Variants in TMEM63B observed in about 807,000 individuals in gnomAD.
TMEM63B encodes the protein mechanosensitive cation channel TMEM63B.
A neutral mutation model predicts 102.6 loss-of-function variants in TMEM63B; 23 were observed. That is an observed-to-expected ratio of 0.22 (90% CI 0.16 to 0.32). The LOEUF (loss-of-function observed/expected upper bound fraction) is 0.32. TMEM63B is among the 10% of genes least tolerant of loss of function. The pLI is 1.00. For missense variants in TMEM63B, 628 were observed against 1,095.9 expected (o/e 0.57, Z 6.03); for synonymous variants, 444 against 437.0 (o/e 1.02, Z -0.20).
rs141780150 is a variant in TMEM63B, at chr6:44,135,456, G to A, written c.278+90G>A. 3.2e-4 allele frequency: 483 copies of A among 1,489,802 alleles called. 4 individuals carry two copies. The East Asian group carries it at 0.01, about 31-fold the overall frequency. The allele number at this position is 1,489,802 out of a possible 1,614,324, so 92.3% of individuals were successfully genotyped here. A position where few individuals can be genotyped will look rare whatever the true frequency, so the allele number is the denominator to read the frequency against. ...CTCTTCTCTTCCTGCCAAGTTGCTGGTTTCTTTTTGCAGTTTTCTCCTCTG... is the reference window on the plus strand; with the variant it reads ...CTCTTCTCTTCCTGCCAAGTTGCTGATTTCTTTTTGCAGTTTTCTCCTCTG... On this transcript the variant is annotated intron_variant, in intron 4 of 23. Coordinates refer to ENST00000323267, the MANE Select transcript of TMEM63B (RefSeq NM_018426.3).
chr6:44,134,436 G>A, intron 1 of TMEM63B, 125 bp from the exon 2 acceptor site: 1 of 973,482 alleles, frequency 1.0e-6, no homozygotes, highest in Non-Finnish European at 1.5e-6. Context: ...ATCTCCAGAG[G>A]CCAGAGCTTC....
rs745464900 is a variant in TMEM63B, at chr6:44,152,690, T to C, written c.1934T>C (p.Val645Ala). Residue 645 changes from valine (V) to alanine (A), a missense_variant, in exon 20 of 24, where the codon GTG (valine) becomes GCG (alanine). Transcript: ENST00000323267. This position sits in a 1 kb window ranked among gnomAD's most constrained non-coding sequence, Gnocchi z 6.4. ...MTYSITCPIIVPFGLMYMLLK... is the reference protein window; with the variant it reads ...MTYSITCPIIAPFGLMYMLLK... ...TACAGTATCACCTGCCCCATCATCG[T>C]GCCCTTCGGTAGGCACCGCCGCGCC... 1.2e-6 allele frequency: 2 copies of C among 1,606,500 alleles called. No individual in the cohort carries two copies. The highest frequency in any genetic ancestry group is 1.7e-6 in the Non-Finnish European group (2 of 1,179,788).
intron 10 of TMEM63B, among the ~76,000 whole-genome samples, chr6:44,145,462 C>T (rs2128248467): frequency 6.6e-6 from 1 of 151,074 alleles, no homozygotes; most frequent in South Asian, 2.1e-4. Context: ...TGTGGTGGCA[C>T]ACACCTGTAA....
intron 4 of TMEM63B, among the ~76,000 whole-genome samples, chr6:44,135,720 C>T (rs1239413301): frequency 7.2e-5 from 11 of 152,218 alleles, no homozygotes; most frequent in Admixed American, 3.9e-4. Flanking sequence ...GCTTCTTGTC[C>T]GCTAACAGCT....
At chr6:44,127,072 G>C (rs1401520586), upstream of TMEM63B, 2 of 152,134 alleles carry the variant, frequency 1.3e-5, no homozygotes, top group Non-Finnish European at 2.9e-5. Context: ...GGGGAAAGCA[G>C]GTGAGCGCCG....
Position 44,152,831 on chromosome 6 carries a change from C to A in TMEM63B, c.1942+133C>A, listed in dbSNP as rs548911785. The A allele has an allele frequency of 1.4e-6, 1 of 711,372 alleles. No individual in the cohort carries two copies. The highest frequency in any genetic ancestry group is 2.3e-6 in the Non-Finnish European group (1 of 426,504). 44.1% of individuals were successfully genotyped at this position (711,372 alleles called of 1,614,324 possible). Reference sequence around the variant, plus strand: ...AGACCGGCCCCTCGGGGCTCCCGCCCGGTCCCTGGCTCAGTCTGGGGCCTG... The same window carrying A: ...AGACCGGCCCCTCGGGGCTCCCGCCAGGTCCCTGGCTCAGTCTGGGGCCTG... On this transcript the variant is annotated intron_variant, in intron 20 of 23. Coordinates refer to ENST00000323267, the MANE Select transcript of TMEM63B (RefSeq NM_018426.3). This position sits in a 1 kb window ranked among gnomAD's most constrained non-coding sequence, Gnocchi z 6.4.
rs768080781 is a variant in TMEM63B, at chr6:44,147,343, C to CA, written c.864-33dup. 8.1e-5 allele frequency: 130 copies of CA among 1,614,050 alleles called. 1 individual carries two copies. The highest frequency in any genetic ancestry group is 3.4e-4 in the South Asian group (31 of 91,056). On this transcript the variant is annotated intron_variant, in intron 11 of 23. Transcript: ENST00000323267. ...CCCCAAGCTGAGCCAGCCCCAGCCC[C>CA]AGATGTAGGTGACCAGGCATCTGGG... is the stretch of plus-strand genomic sequence containing the variant.
Position 44,150,411 on chromosome 6 carries a change from C to G in TMEM63B, c.1607+101C>G. The G allele has an allele frequency of 6.8e-7, 1 of 1,464,026 alleles. No homozygotes were observed. The highest frequency in any genetic ancestry group is 9.5e-7 in the Non-Finnish European group (1 of 1,047,496). The allele number at this position is 1,464,026 out of a possible 1,614,324, so 90.7% of individuals were successfully genotyped here. On this transcript the variant is annotated intron_variant, in intron 17 of 23. Transcript: ENST00000323267. This position sits in a 1 kb window ranked among gnomAD's most constrained non-coding sequence, Gnocchi z 4.7. ...CTACCTCCCCTACAAAGCAAGGGGC[C>G]CAAGATGGGAAGCCTGGCCACCCCC... is the stretch of plus-strand genomic sequence containing the variant.
At position 44,152,309 on chromosome 6, in the gene TMEM63B, C is replaced by T. The variant is rs895696076; in HGVS notation, c.1837-284C>T. ...TCTGTCTTAATAAGAGGGCTCTGGG[C>T]ATCCCACTCTCAAGTCCACCCAACT... is the stretch of plus-strand genomic sequence containing the variant. On this transcript the variant is annotated intron_variant, in intron 19 of 23. Coordinates refer to ENST00000323267, the MANE Select transcript of TMEM63B (RefSeq NM_018426.3). This position sits in a 1 kb window ranked among gnomAD's most constrained non-coding sequence, Gnocchi z 6.4. Among the ~76,000 whole-genome samples, 1 of 151,988 alleles carries T rather than the reference C, an allele frequency of 6.6e-6. No homozygotes were observed. The highest frequency in any genetic ancestry group is 2.4e-5 in the African/African-American group (1 of 41,380).
intron 5 of TMEM63B, among the ~76,000 whole-genome samples, chr6:44,137,118 A>T (rs1763128066): frequency 6.6e-6 from 1 of 152,200 alleles, no homozygotes; most frequent in Non-Finnish European, 1.5e-5. Context: ...TGTTGCTCGG[A>T]GGTTGCAGGT....
chr6:44,137,595 G>T (rs1158705598), intron 5 of TMEM63B, among the ~76,000 whole-genome samples: 1 of 152,202 alleles, frequency 6.6e-6, no homozygotes, highest in Non-Finnish European at 1.5e-5. Context: ...TGGACCTTCT[G>T]CTGGATGGAG....
intron 7 of TMEM63B, 25 bp downstream of exon 7, chr6:44,139,634 G>T: frequency 6.2e-7 from 1 of 1,614,196 alleles, no homozygotes; most frequent in Non-Finnish European, 8.5e-7. Flanking sequence ...GGACGGCTAG[G>T]GTGGAGAGAG....
Position 44,152,335 on chromosome 6 carries a change from CT to C in TMEM63B, c.1837-256del, listed in dbSNP as rs1448448649. 2.0e-5 allele frequency among the ~76,000 whole-genome samples: 3 copies of C among 152,062 alleles called. No homozygotes were observed. The highest frequency in any genetic ancestry group is 7.2e-5 in the African/African-American group (3 of 41,390). On this transcript the variant is annotated intron_variant, in intron 19 of 23. Coordinates refer to ENST00000323267, the MANE Select transcript of TMEM63B (RefSeq NM_018426.3). This position sits in a 1 kb window ranked among gnomAD's most constrained non-coding sequence, Gnocchi z 6.4. The stretch of plus-strand genomic sequence containing the variant: ...ATCCCACTCTCAAGTCCACCCAACT[CT>C]TGCCCCCTACCTGCCAGGCCCCGAC...
At chr6:44,143,181 G>T (rs777278767) in intron 10 of TMEM63B, among the ~76,000 whole-genome samples, 1 of 152,224 alleles carries the variant, frequency 6.6e-6, no homozygotes. Context: ...AGATTCCAGA[G>T]CCTGTGTTAG....
intron 4 of TMEM63B, 40 bp downstream of exon 4, chr6:44,135,406 C>T: frequency 6.3e-7 from 1 of 1,585,526 alleles, no homozygotes; most frequent in Non-Finnish European, 8.6e-7. Context: ...ACTAAACCAG[C>T]TTTCCCTTTT....
intron 1 of TMEM63B, among the ~76,000 whole-genome samples, chr6:44,129,365 C>CAA (rs11331641): frequency 7.8e-5 from 8 of 103,122 alleles, no homozygotes; most frequent in Non-Finnish European, 1.4e-4. Context: ...AAGACTGTCT[C>CAA]AAAAAAAAAA....
In TMEM63B at chr6:44,148,255, G is replaced by C; in HGVS notation, c.991G>C (p.Glu331Gln). ...CCVVRGCEQV[E>Q]AIEYYTKLEQ... is the part of the protein sequence containing the mutation. Reference sequence around the variant, plus strand: ...TGTCCCTAACCCTCCCACAAAGGTGGAGGCCATTGAGTACTACACAAAGCT... The same window carrying C: ...TGTCCCTAACCCTCCCACAAAGGTGCAGGCCATTGAGTACTACACAAAGCT... The change falls in exon 13 of 24, where the codon GAG becomes CAG. Residue 331 changes from glutamate to glutamine, a missense_variant. Physicochemically the swap from Glu to Gln is conservative, Grantham distance 29. Around this residue, in one of 6 missense-constraint regions of TMEM63B, gnomAD observed 336 missense variants for 580.3 expected, o/e 0.58. Transcript: ENST00000323267. The surrounding 1 kb of genome is among the most constrained non-coding windows in gnomAD (Gnocchi z 5.1). 1 of 1,614,226 alleles carries C rather than the reference G, an allele frequency of 6.2e-7. No homozygotes were observed. The highest frequency in any genetic ancestry group is 8.5e-7 in the Non-Finnish European group (1 of 1,180,036).
intron 10 of TMEM63B, among the ~76,000 whole-genome samples, chr6:44,141,989 G>A (rs906342143): frequency 6.6e-6 from 1 of 152,024 alleles, no homozygotes; most frequent in African/African-American, 2.4e-5. Context: ...AGGTGTGGTG[G>A]CGTGCGCCTG....
intron 21 of TMEM63B, 50 bp from the exon 22 acceptor site, chr6:44,154,023 G>A (rs1211253816): frequency 6.3e-7 from 1 of 1,587,448 alleles, no homozygotes; most frequent in Admixed American, 1.7e-5. Flanking sequence ...AAGCTGGGGT[G>A]GGGAGGCCCA....
Sources: gnomAD v4.1 joint callset for allele counts (sites outside exome capture counted in the v4.1 genomes callset) on GRCh38, gnomAD v4.1.1 for gene constraint, gnomAD v4.1.1 regional missense constraint, Gnocchi (gnomAD v3.1) non-coding constraint, MANE v1.5 for transcripts, NCBI Gene and HGNC (gene_info 2026-07-23, HGNC 2026-07-21) for gene names.